HS6ST3: variants seen among roughly 807,000 people sequenced by gnomAD.
The protein encoded by HS6ST3 is heparan-sulfate 6-O-sulfotransferase 3.
A neutral mutation model predicts 36.7 loss-of-function variants in HS6ST3; 12 were observed. That is an observed-to-expected ratio of 0.33 (90% CI 0.21 to 0.53). The LOEUF is 0.53. HS6ST3 is among the 20% of genes least tolerant of loss of function. The pLI is 0.95. For synonymous variants in HS6ST3, 240 were observed against 257.5 expected (o/e 0.93, Z 0.65); for missense variants, 584 against 640.9 (o/e 0.91, Z 0.96).
At chr13:96,136,949 A>T (rs2139314950) in intron 1 of HS6ST3, among the ~76,000 whole-genome samples, 1 of 152,132 alleles carries the variant, frequency 6.6e-6, no homozygotes, top group African/African-American at 2.4e-5. Context: ...GCTAGACAAA[A>T]GGTCTGTGCA....
At chr13:96,775,293 G>T (rs950451368) in intron 1 of HS6ST3, among the ~76,000 whole-genome samples, 2 of 151,320 alleles carry the variant, frequency 1.3e-5, no homozygotes, top group Non-Finnish European at 2.9e-5. Flanking sequence ...AAAGTAACTG[G>T]CTAACATCAT....
At chr13:96,745,263 A>G (rs774087072) in intron 1 of HS6ST3, among the ~76,000 whole-genome samples, 35 of 152,088 alleles carry the variant, frequency 2.3e-4, no homozygotes, top group Middle Eastern at 3.2e-3. Context: ...TATAGCCTCA[A>G]TTATTTTAAG....
intron 1 of HS6ST3, among the ~76,000 whole-genome samples, chr13:96,450,468 T>C (rs2055722206): frequency 6.6e-6 from 1 of 152,234 alleles, no homozygotes; most frequent in South Asian, 2.1e-4. Flanking sequence ...AAACATTTTG[T>C]ATTGAATACA....
At chr13:96,213,311 C>T (rs969657882) in intron 1 of HS6ST3, among the ~76,000 whole-genome samples, 42 of 152,138 alleles carry the variant, frequency 2.8e-4, no homozygotes, top group African/African-American at 8.9e-4. Context: ...ACTTATGACC[C>T]TTTTTTGTGG....
chr13:96,270,594 A>T (rs1159404549), intron 1 of HS6ST3, among the ~76,000 whole-genome samples: 23 of 141,498 alleles, frequency 1.6e-4, no homozygotes, highest in Admixed American at 1.6e-3. Flanking sequence ...TCAGTCACTC[A>T]TTTAGAAGTA....
intron 1 of HS6ST3, among the ~76,000 whole-genome samples, chr13:96,597,668 GT>G (rs1419923522): frequency 6.6e-6 from 1 of 151,736 alleles, no homozygotes; most frequent in Non-Finnish European, 1.5e-5. Context: ...TTCTTTTGCT[GT>G]GTTTTTCAGT....
At chr13:96,641,218 C>A (rs1241605332) in intron 1 of HS6ST3, among the ~76,000 whole-genome samples, 4 of 151,814 alleles carry the variant, frequency 2.6e-5, no homozygotes, top group Non-Finnish European at 5.9e-5. Context: ...TTTCTTCTTG[C>A]AGATATCTTT....
chr13:96,370,412 AT>A (rs997893089), intron 1 of HS6ST3, among the ~76,000 whole-genome samples: 1 of 152,152 alleles, frequency 6.6e-6, no homozygotes, highest in African/African-American at 2.4e-5. Context: ...GTATGTAAAA[AT>A]TTTTATGTAA....
chr13:96,221,641 G>T (rs1370538683), intron 1 of HS6ST3, among the ~76,000 whole-genome samples: 1 of 152,136 alleles, frequency 6.6e-6, no homozygotes, highest in Admixed American at 6.5e-5. Context: ...CAGATATCAA[G>T]GAGTGATGGG....
At position 96,362,047 on chromosome 13, in the gene HS6ST3, G is replaced by A. The variant is rs1339671500; in HGVS notation, c.707+270478G>A. The stretch of plus-strand genomic sequence containing the variant: ...TGATCCTGATGCAGCTCAAGTTTGA[G>A]AACTGCAGTGCTAGGTAATAGGTGA... On this transcript the variant is annotated intron_variant, in intron 1 of 1. Transcript: ENST00000376705. 2.0e-5 allele frequency among the ~76,000 whole-genome samples: 3 copies of A among 152,146 alleles called. No individual in the cohort carries two copies. The East Asian group carries it at 5.8e-4, about 29-fold the overall frequency.
chr13:96,251,694 C>G, intron 1 of HS6ST3, among the ~76,000 whole-genome samples: 1 of 151,962 alleles, frequency 6.6e-6, no homozygotes, highest in East Asian at 1.9e-4. Context: ...CTTTATTGCT[C>G]TAAATTTCCT....
intron 1 of HS6ST3, among the ~76,000 whole-genome samples, chr13:96,619,631 T>C (rs761786578): frequency 1.3e-5 from 2 of 152,232 alleles, no homozygotes; most frequent in Non-Finnish European, 2.9e-5. Flanking sequence ...GCCTGTGAAA[T>C]TGGATTTTAG....
intron 1 of HS6ST3, among the ~76,000 whole-genome samples, chr13:96,186,479 A>G (rs565370402): frequency 6.6e-6 from 1 of 152,314 alleles, no homozygotes; most frequent in South Asian, 2.1e-4. Flanking sequence ...TTATGCACTC[A>G]GTGTTTGTTC....
chr13:96,823,623 T>TC (rs1342266016), intron 1 of HS6ST3, among the ~76,000 whole-genome samples: 1 of 152,134 alleles, frequency 6.6e-6, no homozygotes, highest in Non-Finnish European at 1.5e-5. Context: ...TTTATTTTCT[T>TC]CTTTTTTTTT....
intron 1 of HS6ST3, among the ~76,000 whole-genome samples, chr13:96,726,353 C>A (rs1337421745): frequency 6.6e-6 from 1 of 152,090 alleles, no homozygotes; most frequent in African/African-American, 2.4e-5. Context: ...TTCTTCCTGT[C>A]TATGGATATG....
chr13:96,467,953 G>A lies in HS6ST3; in HGVS notation c.708-364537G>A, dbSNP rs1009634594. On this transcript the variant is annotated intron_variant, in intron 1 of 1. Coordinates refer to ENST00000376705, the MANE Select transcript of HS6ST3 (RefSeq NM_153456.4). Reference sequence around the variant, plus strand: ...TGGTGCAAGAGCTAGGTATGGACTGGGAACAGCATTAGTCAGTATCAACAT... The same window carrying A: ...TGGTGCAAGAGCTAGGTATGGACTGAGAACAGCATTAGTCAGTATCAACAT... Among the ~76,000 whole-genome samples the A allele has an allele frequency of 1.1e-4, 16 of 152,258 alleles. 1 individual carries two copies. In the South Asian group the frequency reaches 1.7e-3, roughly 16 times the overall value.
At chr13:96,734,748 A>G (rs1876240742) in intron 1 of HS6ST3, among the ~76,000 whole-genome samples, 1 of 152,222 alleles carries the variant, frequency 6.6e-6, no homozygotes, top group Non-Finnish European at 1.5e-5. Context: ...GAAATGAGCA[A>G]TGCCTGAAGC....
At chr13:96,156,256 G>A (rs2054110070) in intron 1 of HS6ST3, among the ~76,000 whole-genome samples, 1 of 152,164 alleles carries the variant, frequency 6.6e-6, no homozygotes, top group South Asian at 2.1e-4. Context: ...GTAAATGGCA[G>A]ACCTGGGACT....
intron 1 of HS6ST3, among the ~76,000 whole-genome samples, chr13:96,739,918 T>A (rs1376183980): frequency 6.6e-6 from 1 of 152,180 alleles, no homozygotes; most frequent in Non-Finnish European, 1.5e-5. Flanking sequence ...CACTTTTTGC[T>A]GCCACTGTTT....
Sources: gnomAD v4.1 joint callset for allele counts (sites outside exome capture counted in the v4.1 genomes callset) on GRCh38, gnomAD v4.1.1 for gene constraint, MANE v1.5 for transcripts, NCBI Gene and HGNC (gene_info 2026-07-23, HGNC 2026-07-21) for gene names.